ARFRP1: variants seen among roughly 807,000 people sequenced by gnomAD.
ARFRP1 encodes the protein ARF related protein 1.
ARFRP1 carries 19 observed loss-of-function variants against 30.3 expected under a neutral mutation model. The observed-to-expected ratio is 0.63, with a 90% CI of 0.44 to 0.92. The LOEUF is 0.92. Among genes scored for constraint, ARFRP1 ranks in the 40% least tolerant of loss-of-function variants. The pLI, the probability that ARFRP1 is intolerant of heterozygous loss-of-function variation, is 0.00. For missense variants in ARFRP1, 245 were observed against 267.5 expected (o/e 0.92, Z 0.59); for synonymous variants, 133 against 114.2 (o/e 1.16, Z -1.05).
At chr20:63,705,697 TGTG>T (rs764081674) in intron 4 of ARFRP1, 15 of 533,216 alleles carry the variant, frequency 2.8e-5, no homozygotes, top group South Asian at 2.1e-4. Context: ...TTCTGTGTCC[TGTG>T]GTGGTCAGCA....
intron 5 of ARFRP1, 48 bp from the exon 6 acceptor site, chr20:63,701,948 T>TGGGCAGTCAGAGGCA: frequency 6.6e-7 from 1 of 1,525,284 alleles, no homozygotes; most frequent in Non-Finnish European, 8.8e-7. Flanking sequence ...ATCCTGCCTC[T>TGGGCAGTCAGAGGCA]GACTGCCCAG....
chr20:63,702,434 T>C, intron 4 of ARFRP1: 1 of 566,602 alleles, frequency 1.8e-6, no homozygotes, highest in East Asian at 3.0e-5. Context: ...CGGCAACCTT[T>C]GGCCTGATGG....
intron 6 of ARFRP1, 55 bp from the exon 7 acceptor site, chr20:63,700,757 G>C (rs566995899): frequency 1.4e-5 from 22 of 1,585,922 alleles, no homozygotes; most frequent in Non-Finnish European, 1.7e-5. Context: ...TGTCCTGCCT[G>C]TGGGCCCGGG....
chr20:63,701,835 C>T lies in ARFRP1; in HGVS notation c.412G>A (p.Val138Met). ...GAGGCAGGGGTGGGGCTCACCTCCA[C>T]ATCCTGCTTGTTGGCCAGCACCAAG... ...PVLVLANKQD[V>M]ETCLSIPDIK... The change falls in exon 6 of 8, where the codon GTG (valine) becomes ATG (methionine). Residue 138 changes from valine (V) to methionine (M), a missense_variant. Val to Met is a conservative substitution (Grantham distance 21, BLOSUM62 1). Transcript: ENST00000622789. 1.3e-6 allele frequency: 2 copies of T among 1,550,334 alleles called. No homozygotes were observed. Among genetic ancestry groups the T allele is most frequent in the Non-Finnish European group, 1.7e-6 (2 of 1,146,986 alleles).
intron 4 of ARFRP1, chr20:63,704,943 T>C (rs1028126703): frequency 6.6e-6 from 1 of 152,346 alleles, no homozygotes; most frequent in African/African-American, 2.4e-5. Context: ...CATAGCCAGT[T>C]CTCCTCCAGG....
intron 4 of ARFRP1, chr20:63,705,347 G>C (rs2091402603): frequency 5.3e-6 from 1 of 188,144 alleles, no homozygotes; most frequent in African/African-American, 2.3e-5. Context: ...TCTAGAGATG[G>C]CATCAGGGCA....
At position 63,706,349 on chromosome 20, in the gene ARFRP1, A is replaced by G. The variant is rs766528995; in HGVS notation, c.264+8T>C. On this transcript the variant is annotated splice_region_variant and intron_variant, in intron 4 of 7. Transcript: ENST00000622789. Reference sequence around the variant, plus strand: ...GGGGTGGGGGTGGTCCTGGCCAGGGAGTCTTACCTTGTCCCACAAAGACTG... The same window carrying G: ...GGGGTGGGGGTGGTCCTGGCCAGGGGGTCTTACCTTGTCCCACAAAGACTG... 3 of 1,612,478 alleles carry G rather than the reference A, an allele frequency of 1.9e-6. No individual in the cohort carries two copies. Among genetic ancestry groups the G allele is most frequent in the East Asian group, 2.2e-5 (1 of 44,868 alleles).
At chr20:63,701,291 G>A (rs773085775) in intron 6 of ARFRP1, 1 of 530,594 alleles carries the variant, frequency 1.9e-6, no homozygotes, top group East Asian at 5.5e-5. Context: ...GATTCACCTG[G>A]CCCTCTGGAC....
At position 63,702,388 on chromosome 20, in the gene ARFRP1, TGGA is replaced by T. The variant is rs910352308; in HGVS notation, c.265-174_265-172del. ...ATTCTGGGGTTGCGGGGAGATCTGGTGGAGGTGTCCCCAGACGCTGCTCCTGAG... is the reference window on the plus strand; with the variant it reads ...ATTCTGGGGTTGCGGGGAGATCTGGTGGTGTCCCCAGACGCTGCTCCTGAG... On this transcript the variant is annotated intron_variant, in intron 4 of 7. Coordinates refer to ENST00000622789, the MANE Select transcript of ARFRP1 (RefSeq NM_001267547.3). 9 of 642,182 alleles carry T rather than the reference TGGA, an allele frequency of 1.4e-5. No homozygotes were observed. In the East Asian group the frequency reaches 2.5e-4, roughly 18 times the overall value. 39.8% of individuals were successfully genotyped at this position (642,182 alleles called of 1,614,324 possible).
chr20:63,702,513 G>A, intron 4 of ARFRP1: 1 of 401,704 alleles, frequency 2.5e-6, no homozygotes, highest in Non-Finnish European at 4.6e-6. Context: ...AACACTTTGG[G>A]AGGCAGAAGC....
At chr20:63,702,371 G>C in intron 4 of ARFRP1, 154 bp from the exon 5 acceptor site, 1 of 694,258 alleles carries the variant, frequency 1.4e-6, no homozygotes, top group Admixed American at 2.6e-5. Flanking sequence ...GCATTCTGGG[G>C]TTGCGGGGAG....
chr20:63,704,427 T>C (rs2091358735), intron 4 of ARFRP1: 1 of 152,216 alleles, frequency 6.6e-6, no homozygotes, highest in African/African-American at 2.4e-5. Flanking sequence ...GGGCAGGAGA[T>C]GGGGCTGCCA....
At position 63,700,191 on chromosome 20, in the gene ARFRP1, C is replaced by T. The variant is rs1221826263; in HGVS notation, c.*252G>A. 3.8e-6 allele frequency: 2 copies of T among 531,094 alleles called. No individual in the cohort carries two copies. The highest frequency in any genetic ancestry group is 6.7e-6 in the Non-Finnish European group (2 of 296,850). The allele number at this position is 531,094 out of a possible 1,614,324, so 32.9% of individuals were successfully genotyped here. ...CCCCCCAGAAAGGGCCTCGAAAGGC[C>T]GCCGCTGCGCCCTGTGGAAAGGCTG... On this transcript the variant is annotated 3_prime_UTR_variant, in exon 8 of 8. Transcript: ENST00000622789.
chr20:63,706,384 C>T lies in ARFRP1; in HGVS notation c.237G>A (p.Gln79=), dbSNP rs751696324. 2.5e-6 allele frequency: 4 copies of T among 1,613,352 alleles called. No individual in the cohort carries two copies. The highest frequency in any genetic ancestry group is 3.4e-6 in the Non-Finnish European group (4 of 1,180,002). Residue 79 remains glutamine (Q), a synonymous_variant, in exon 4 of 8, where the codon CAG becomes CAA. Coordinates refer to ENST00000622789, the MANE Select transcript of ARFRP1 (RefSeq NM_001267547.3). ...ARLMFWDLGG[Q]EELQSLWDKY... ...TGTCCCACAAAGACTGCAGCTCTTC[C>T]TGCCCTCCTAAGTCCCAGAACATGA...
intron 4 of ARFRP1, chr20:63,705,952 A>C: frequency 2.9e-6 from 1 of 347,970 alleles, no homozygotes; most frequent in Non-Finnish European, 5.7e-6. Flanking sequence ...AACTAGCCCC[A>C]GCCCTGAACC....
At chr20:63,705,972 C>G (rs75186556) in intron 4 of ARFRP1, 1 of 347,808 alleles carries the variant, frequency 2.9e-6, no homozygotes, top group Non-Finnish European at 5.7e-6. Context: ...CCAGATCCCC[C>G]CCGGCTTCAG....
At chr20:63,706,268 A>C in intron 4 of ARFRP1, 89 bp downstream of exon 4, 5 of 1,223,624 alleles carry the variant, frequency 4.1e-6, no homozygotes, top group East Asian at 2.4e-5. Flanking sequence ...TGGGTAAGGA[A>C]AACTGCTGAG....
chr20:63,700,874 C>CT, intron 6 of ARFRP1, 172 bp from the exon 7 acceptor site: 2 of 886,272 alleles, frequency 2.3e-6, no homozygotes, highest in Non-Finnish European at 3.4e-6. Flanking sequence ...TGTGCTCAGC[C>CT]CGAGGCTGAA....
Position 63,702,007 on chromosome 20 carries a change from C to A in ARFRP1, c.347-107G>T, listed in dbSNP as rs1016726154. 1.1e-4 allele frequency: 115 copies of A among 1,029,948 alleles called. 3 individuals carry two copies. The Middle Eastern group carries it at 1.5e-3, about 13-fold the overall frequency. 63.8% of individuals were successfully genotyped at this position (1,029,948 alleles called of 1,614,324 possible). On this transcript the variant is annotated intron_variant, in intron 5 of 7. Coordinates refer to ENST00000622789, the MANE Select transcript of ARFRP1 (RefSeq NM_001267547.3). ...GACAGCCACTCCCTCTGCCCCCCCC[C>A]CCCCCGTCACCCACTAGGCAGGAGC...
Sources: allele counts gnomAD v4.1 joint callset, GRCh38; gene constraint gnomAD v4.1.1; transcripts MANE v1.5; gene names NCBI Gene and HGNC (gene_info 2026-07-23, HGNC 2026-07-21).